Variants in LCN8 observed in about 807,000 individuals in gnomAD.
LCN8 encodes lipocalin 8.
LCN8 carries 16 observed loss-of-function variants against 22.8 expected under a neutral mutation model. That is an observed-to-expected ratio of 0.70 (90% CI 0.47 to 1.06). The LOEUF (loss-of-function observed/expected upper bound fraction) is 1.06, where lower values mean the gene tolerates loss of function less well. Ranked by LOEUF, LCN8 falls within the 50% of genes least tolerant of loss-of-function variation. LCN8 has a pLI of 0.00. For synonymous variants in LCN8, 92 were observed against 83.4 expected (o/e 1.10, Z -0.56); for missense variants, 189 against 203.3 (o/e 0.93, Z 0.43).
chr9:136,755,189 CAG>C (rs1378581272), intron 5 of LCN8, 29 bp from the exon 6 acceptor site: 10 of 1,606,216 alleles, frequency 6.2e-6, no homozygotes, highest in Non-Finnish European at 8.5e-6. Flanking sequence ...TGAGGAGCTG[CAG>C]AGTCAGCCCA....
rs201875766 is a variant in LCN8, at chr9:136,754,534, C to T, written c.448-25G>A. The T allele has an allele frequency of 8.2e-5, 127 of 1,550,618 alleles. No homozygotes were observed. In the African/African-American group the frequency reaches 1.4e-3, roughly 17 times the overall value. ...CCTGCGACACAGAAGTGCAGGGGCT[C>T]AGGCCCGTGTGGTCTCTGGAGGCCC... is the stretch of plus-strand genomic sequence containing the variant. On this transcript the variant is annotated intron_variant, in intron 6 of 6. Transcript: ENST00000371688.
At position 136,755,157 on chromosome 9, in the gene LCN8, C is replaced by T. The variant is rs768446036; in HGVS notation, c.425G>A (p.Arg142Gln). ...CACCTCCTTCAGGAGCTCGGCACAC[C>T]GCCCTGCAGGATAGGCCAGCATGAG... ...TGLYLAARPGRCAELLKEELI is the reference protein window; with the variant it reads ...TGLYLAARPGQCAELLKEELI Residue 142 changes from arginine (R) to glutamine (Q), a missense_variant, in exon 6 of 7, where the codon CGG becomes CAG. Physicochemically the swap from Arg to Gln is conservative, Grantham distance 43. Coordinates refer to ENST00000371688, the MANE Select transcript of LCN8 (RefSeq NM_178469.4). 8.8e-6 allele frequency: 14 copies of T among 1,594,194 alleles called. No individual in the cohort carries two copies. Among genetic ancestry groups the T allele is most frequent in the Admixed American group, 1.7e-5 (1 of 57,896 alleles).
rs550554680 is a variant in LCN8 at position 136,757,089 on chromosome 9, A to G, written c.104T>C (p.Leu35Ser). The change falls in exon 2 of 7, where the codon TTG (leucine) becomes TCG (serine). Residue 35 changes from leucine (L) to serine (S), a missense_variant. Physicochemically the swap from Leu to Ser is moderately radical, Grantham distance 145 (BLOSUM62 -2). Coordinates refer to ENST00000371688, the MANE Select transcript of LCN8 (RefSeq NM_178469.4). ...GTTACTCCCGCTCAAGGTGAGGAACAAGCCCTCCACCCGCTTCGGGGCCGT... is the reference window on the plus strand; with the variant it reads ...GTTACTCCCGCTCAAGGTGAGGAACGAGCCCTCCACCCGCTTCGGGGCCGT... ...VLTAPKRVEG[L>S]FLTLSGSNLT... 2.4e-5 allele frequency: 38 copies of G among 1,613,664 alleles called. No homozygotes were observed. The African/African-American group carries it at 4.4e-4, about 19-fold the overall frequency.
intron 1 of LCN8, chr9:136,757,644 T>C (rs564298380): frequency 1.8e-4 from 249 of 1,422,046 alleles, no homozygotes; most frequent in Middle Eastern, 1.6e-3. Flanking sequence ...GAGCCGGGAC[T>C]TCCGCTGAGA....
intron 2 of LCN8, 115 bp downstream of exon 2, chr9:136,756,923 C>A: frequency 8.0e-7 from 1 of 1,254,002 alleles, no homozygotes; most frequent in South Asian, 1.4e-5. Context: ...GGAGTGCTGG[C>A]CCACCAGCGG....
chr9:136,757,251 C>T (rs1383346412), intron 1 of LCN8, 83 bp from the exon 2 acceptor site: 4 of 1,544,754 alleles, frequency 2.6e-6, no homozygotes, highest in Non-Finnish European at 3.5e-6. Flanking sequence ...CGGGCAGGGG[C>T]CTGCTGGGCT....
chr9:136,757,559 T>A (rs1588309772), intron 1 of LCN8: 2 of 1,376,346 alleles, frequency 1.5e-6, no homozygotes, highest in East Asian at 5.6e-5. Flanking sequence ...AGAGAACAGG[T>A]GGCTCGGGTA....
In LCN8 at chr9:136,755,524, A is replaced by G. The variant is rs1847164146; in HGVS notation, c.227-8T>C. The G allele has an allele frequency of 6.2e-7, 1 of 1,610,186 alleles. No homozygotes were observed. Among genetic ancestry groups the G allele is most frequent in the African/African-American group, 1.3e-5 (1 of 74,836 alleles). ...CGTGGATCTCTCTGTGGCCTTCAAG[A>G]GCCGGCCATGGCGTTGGGGGAGACG... is the stretch of plus-strand genomic sequence containing the variant. On this transcript the variant is annotated splice_region_variant and splice_polypyrimidine_tract_variant and intron_variant, in intron 3 of 6. Transcript: ENST00000371688.
intron 3 of LCN8, 35 bp downstream of exon 3, chr9:136,756,487 G>A (rs759232526): frequency 6.2e-7 from 1 of 1,614,076 alleles, no homozygotes; most frequent in Admixed American, 1.7e-5. Flanking sequence ...TGCACAGCCG[G>A]GTTCCACCTG....
At chr9:136,757,454 G>T in intron 1 of LCN8, 2 of 1,367,034 alleles carry the variant, frequency 1.5e-6, no homozygotes, top group Non-Finnish European at 1.9e-6. Context: ...GACATGTCGG[G>T]AGGAACCACA....
chr9:136,757,106 CG>C lies in LCN8; in HGVS notation c.86del (p.Pro29ArgfsTer11), dbSNP rs752896880. On this transcript the variant is annotated frameshift_variant, in exon 2 of 7. Coordinates refer to ENST00000371688, the MANE Select transcript of LCN8 (RefSeq NM_178469.4). LOFTEE classifies it high-confidence loss of function. The part of the protein sequence containing the change: ...ASDQSLVLTA[P>X]KRVEGLFLTL... ...TGAGGAACAAGCCCTCCACCCGCTT[CG>C]GGGCCGTCAGCACCAGGCTTTGATC... The C allele has an allele frequency of 2.5e-6, 4 of 1,613,470 alleles. No individual in the cohort carries two copies. Among genetic ancestry groups the C allele is most frequent in the South Asian group, 1.1e-5 (1 of 90,926 alleles).
In LCN8 at chr9:136,755,424, G is replaced by A; in HGVS notation, c.319C>T (p.Leu107Phe). Residue 107 changes from leucine to phenylalanine, a missense_variant, in exon 4 of 7, where the codon CTC becomes TTC. By Grantham distance (22) the Leu-to-Phe change is conservative. Transcript: ENST00000371688. ...LMWRGRNFRV[L>F]KYFTRSLEDK... ...GGGCCAAGCTTACTAAAGTACTTGA[G>A]GACGCGAAAGTTCCTGCCCCGCCAC... 2.5e-6 allele frequency: 4 copies of A among 1,611,642 alleles called. No homozygotes were observed. Among genetic ancestry groups the A allele is most frequent in the Non-Finnish European group, 3.4e-6 (4 of 1,179,906 alleles).
chr9:136,755,551 C>T (rs767142641), intron 3 of LCN8, 35 bp from the exon 4 acceptor site: 41 of 1,593,298 alleles, frequency 2.6e-5, no homozygotes, highest in Non-Finnish European at 3.4e-5. Flanking sequence ...GGGGAGACGT[C>T]TGAGGGGGAC....
At chr9:136,755,806 A>T in intron 3 of LCN8, 1 of 337,552 alleles carries the variant, frequency 3.0e-6, no homozygotes. Context: ...AGGGAACAGC[A>T]TGGGGAACAG....
intron 2 of LCN8, 73 bp from the exon 3 acceptor site, chr9:136,756,665 G>T: frequency 1.9e-6 from 3 of 1,582,392 alleles, no homozygotes; most frequent in Non-Finnish European, 2.6e-6. Context: ...TCCCGGAGTG[G>T]GGCTGTGTCT....
At chr9:136,754,709 G>A in intron 6 of LCN8, 200 bp from the exon 7 acceptor site, 1 of 1,409,736 alleles carries the variant, frequency 7.1e-7, no homozygotes. Context: ...AGGTGAGGGA[G>A]ACACTGGGTT....
In LCN8 at chr9:136,757,994, C is replaced by G; in HGVS notation, c.-64G>C. The G allele has an allele frequency of 6.2e-7, 1 of 1,602,068 alleles. No homozygotes were observed. ...CCAGGATGGTGCACGGCAGCCTGGC[C>G]TCCGTGGCGGGGTCCGGGCTCCGGG... On this transcript the variant is annotated 5_prime_UTR_variant, in exon 1 of 7. Coordinates refer to ENST00000371688, the MANE Select transcript of LCN8 (RefSeq NM_178469.4).
At position 136,755,096 on chromosome 9, in the gene LCN8, G is replaced by A. The variant is rs753795752; in HGVS notation, c.447+39C>T. ...GGCCAGGGACTGGGCCAGGGGCCCG[G>A]GAACTTCAGCACAGGCCAGGGTCGG... On this transcript the variant is annotated intron_variant, in intron 6 of 6. Transcript: ENST00000371688. 3 of 1,488,586 alleles carry A rather than the reference G, an allele frequency of 2.0e-6. No homozygotes were observed. In the Admixed American group the frequency reaches 7.4e-5, roughly 37 times the overall value. 92.2% of individuals were successfully genotyped at this position (1,488,586 alleles called of 1,614,324 possible). A position where few individuals can be genotyped will look rare whatever the true frequency, so the allele number is the denominator to read the frequency against.
In LCN8 at chr9:136,758,172, C is replaced by T. The variant is rs913417372; in HGVS notation, c.-242G>A. 3.1e-5 allele frequency: 44 copies of T among 1,425,210 alleles called. No individual in the cohort carries two copies. Among genetic ancestry groups the T allele is most frequent in the African/African-American group, 8.6e-5 (6 of 69,706 alleles). 88.3% of individuals were successfully genotyped at this position (1,425,210 alleles called of 1,614,324 possible). A position where few individuals can be genotyped will look rare whatever the true frequency, so the allele number is the denominator to read the frequency against. ...CGGCCCTGGTGACACCCACGCCCACCGCAGGGGTTAGCCTGGCCTAGACAG... is the reference window on the plus strand; with the variant it reads ...CGGCCCTGGTGACACCCACGCCCACTGCAGGGGTTAGCCTGGCCTAGACAG... On this transcript the variant is annotated 5_prime_UTR_variant, in exon 1 of 7. Coordinates refer to ENST00000371688, the MANE Select transcript of LCN8 (RefSeq NM_178469.4).
Sources: gnomAD v4.1 joint callset for allele counts on GRCh38, gnomAD v4.1.1 for gene constraint, MANE v1.5 for transcripts, NCBI Gene and HGNC (gene_info 2026-07-23, HGNC 2026-07-21) for gene names.